The following RSPH4A variants were observed in gnomAD, a reference collection of about 807,000 sequenced individuals.
The protein encoded by RSPH4A is radial spoke head protein 4 homolog A.
Under a neutral mutation model 71.0 loss-of-function variants are expected in RSPH4A, and 47 were observed. That is an observed-to-expected ratio of 0.66 (90% confidence interval 0.52 to 0.84). The LOEUF (loss-of-function observed/expected upper bound fraction) is 0.84, where lower values mean the gene tolerates loss of function less well. RSPH4A is among the 40% of genes least tolerant of loss of function. The pLI is 0.00. For synonymous variants in RSPH4A, 282 were observed against 302.3 expected (o/e 0.93, Z 0.70); for missense variants, 793 against 855.2 (o/e 0.93, Z 0.91).
In RSPH4A at chr6:116,630,854, T is replaced by TTTG. The variant is rs1336746016; in HGVS notation, c.1916+304_1916+305insGTT. Reference sequence around the variant, plus strand: ...TGCCCAGCTAATTTTTGTATTTTTTTTTTTTTTTTTTTTTTTAGTAGAGAC... The same window carrying TTTG: ...TGCCCAGCTAATTTTTGTATTTTTTTTTGTTTTTTTTTTTTTTTTAGTAGAGAC... On this transcript the variant is annotated intron_variant, in intron 5 of 5. Transcript: ENST00000229554. Among the ~76,000 whole-genome samples the TTTG allele has an allele frequency of 3.6e-5, 5 of 139,116 alleles. 1 individual carries two copies. The highest frequency in any genetic ancestry group is 5.3e-5 in the African/African-American group (2 of 37,978). The allele number at this position is 139,116 out of a possible 152,430, so 91.3% of individuals were successfully genotyped here.
chr6:116,617,069 C>T lies in RSPH4A; in HGVS notation c.446C>T (p.Thr149Ile). The change falls in exon 1 of 6, where the codon ACC becomes ATC. Residue 149 changes from threonine to isoleucine, a missense_variant. Transcript: ENST00000229554. ...CACACAAGCCAGTCAGAAGGAAACA[C>T]CTTTCAACAGTCTCAGCAACCCAAA... ...PHHTSQSEGNTFQQSQQPKPH... is the reference protein window; with the variant it reads ...PHHTSQSEGNIFQQSQQPKPH... 6.2e-7 allele frequency: 1 copy of T among 1,614,160 alleles called. No individual in the cohort carries two copies. The highest frequency in any genetic ancestry group is 8.5e-7 in the Non-Finnish European group (1 of 1,180,004).
At chr6:116,628,620 A>G (rs1775740839) in intron 3 of RSPH4A, among the ~76,000 whole-genome samples, 1 of 152,150 alleles carries the variant, frequency 6.6e-6, no homozygotes, top group Admixed American at 6.5e-5. Flanking sequence ...AATAAAACAC[A>G]TTCTTCTATG....
In RSPH4A at chr6:116,616,984, G is replaced by A. The variant is rs1206794307; in HGVS notation, c.361G>A (p.Gly121Arg). 1.9e-6 allele frequency: 3 copies of A among 1,614,078 alleles called. No homozygotes were observed. The highest frequency in any genetic ancestry group is 2.5e-6 in the Non-Finnish European group (3 of 1,180,026). Residue 121 changes from glycine (G) to arginine (R), a missense_variant, in exon 1 of 6, where the codon GGG (glycine) becomes AGG (arginine). Transcript: ENST00000229554. ...DRTTSVIPEA[G>R]TPYPDPLEQS... ...GACCACGAGTGTGATTCCTGAAGCT[G>A]GGACACCTTATCCTGATCCTTTGGA... is the stretch of plus-strand genomic sequence containing the variant.
At chr6:116,623,366 G>A (rs573231071) in intron 2 of RSPH4A, among the ~76,000 whole-genome samples, 8 of 152,244 alleles carry the variant, frequency 5.3e-5, no homozygotes, top group East Asian at 3.9e-4. Context: ...GATTACAGGC[G>A]TGAGCTACTG....
rs369823912 is a variant in RSPH4A, at chr6:116,629,540, A to G, written c.1663-27A>G. ...GAAATTTTAAGGTCCCCATTAGACT[A>G]CTAAATCTTGCAACATTCATTCCCA... On this transcript the variant is annotated intron_variant, in intron 3 of 5. Transcript: ENST00000229554. The G allele has an allele frequency of 3.3e-4, 526 of 1,610,396 alleles. 1 individual carries two copies. The highest frequency in any genetic ancestry group is 3.9e-4 in the Non-Finnish European group (463 of 1,177,114).
chr6:116,628,431 T>C lies in RSPH4A; in HGVS notation c.1662+62T>C. On this transcript the variant is annotated intron_variant, in intron 3 of 5. Coordinates refer to ENST00000229554, the MANE Select transcript of RSPH4A (RefSeq NM_001010892.3). ...AGGCAAATATTCATTAAATGGTCAC[T>C]ATAATGCACAAAGACATACAAAATA... 3 of 1,288,042 alleles carry C rather than the reference T, an allele frequency of 2.3e-6. No homozygotes were observed. The South Asian group carries it at 3.6e-5, about 15-fold the overall frequency. The allele number at this position is 1,288,042 out of a possible 1,614,324, so 79.8% of individuals were successfully genotyped here.
chr6:116,618,564 A>G (rs1775548493), intron 1 of RSPH4A, among the ~76,000 whole-genome samples: 1 of 152,118 alleles, frequency 6.6e-6, no homozygotes, highest in Admixed American at 6.6e-5. Context: ...CCCAGGCTGG[A>G]GTGTAGTGGT....
rs779624377 is a variant in RSPH4A, at chr6:116,628,311, T to C, written c.1604T>C (p.Ile535Thr). 1 of 1,612,302 alleles carries C rather than the reference T, an allele frequency of 6.2e-7. No individual in the cohort carries two copies. Among genetic ancestry groups the C allele is most frequent in the Non-Finnish European group, 8.5e-7 (1 of 1,179,324 alleles). Residue 535 changes from isoleucine to threonine, a missense_variant, in exon 3 of 6, where the codon ATT (isoleucine) becomes ACT (threonine). Ile to Thr is a moderately conservative substitution (Grantham distance 89, BLOSUM62 -1). Coordinates refer to ENST00000229554, the MANE Select transcript of RSPH4A (RefSeq NM_001010892.3). ...CCTGATTTTGAAGGCATCCAAGTGA[T>C]TGATCTAGTAGAATCCCTATCCAAT... ...ENPDFEGIQV[I>T]DLVESLSNWV...
rs1775736172 is a variant in RSPH4A, at chr6:116,628,318, A to G, written c.1611A>G (p.Leu537=). 1 of 1,612,870 alleles carries G rather than the reference A, an allele frequency of 6.2e-7. No individual in the cohort carries two copies. Among genetic ancestry groups the G allele is most frequent in the South Asian group, 1.1e-5 (1 of 90,958 alleles). Reference sequence around the variant, plus strand: ...TTGAAGGCATCCAAGTGATTGATCTAGTAGAATCCCTATCCAATTGGGTTC... The same window carrying G: ...TTGAAGGCATCCAAGTGATTGATCTGGTAGAATCCCTATCCAATTGGGTTC... The part of the protein sequence containing the change: ...PDFEGIQVID[L]VESLSNWVHH... The change falls in exon 3 of 6, where the codon CTA becomes CTG. Residue 537 remains leucine (L), a synonymous_variant. Coordinates refer to ENST00000229554, the MANE Select transcript of RSPH4A (RefSeq NM_001010892.3).
rs62424404 is a variant in RSPH4A at position 116,629,455 on chromosome 6, A to G, written c.1663-112A>G. On this transcript the variant is annotated intron_variant, in intron 3 of 5. Transcript: ENST00000229554. ...AAATGTATGTAGAATGAATGAATGAATAATTGATTAAATTCCCACAGAGTT... is the reference window on the plus strand; with the variant it reads ...AAATGTATGTAGAATGAATGAATGAGTAATTGATTAAATTCCCACAGAGTT... 0.044 allele frequency: 48,722 copies of G among 1,104,752 alleles called. 1,280 individuals are homozygous for G. The highest frequency in any genetic ancestry group is 0.076 in the South Asian group (5,871 of 77,108). The allele number at this position is 1,104,752 out of a possible 1,614,324, so 68.4% of individuals were successfully genotyped here.
chr6:116,627,350 C>A (rs1007045244), intron 2 of RSPH4A, among the ~76,000 whole-genome samples: 2 of 151,684 alleles, frequency 1.3e-5, no homozygotes, highest in African/African-American at 4.8e-5. Flanking sequence ...CAGGCACGCA[C>A]CACCATGTCC....
In RSPH4A at chr6:116,628,304, C is replaced by G. The variant is rs1410551023; in HGVS notation, c.1597C>G (p.Gln533Glu). 6.2e-7 allele frequency: 1 copy of G among 1,611,848 alleles called. No individual in the cohort carries two copies. Among genetic ancestry groups the G allele is most frequent in the African/African-American group, 1.3e-5 (1 of 74,868 alleles). ...GGAAAACCCTGATTTTGAAGGCATC[C>G]AAGTGATTGATCTAGTAGAATCCCT... Reference protein sequence around the residue: ...FEENPDFEGIQVIDLVESLSN... With the variant: ...FEENPDFEGIEVIDLVESLSN... Residue 533 changes from glutamine (Q) to glutamate (E), a missense_variant, in exon 3 of 6, where the codon CAA (glutamine) becomes GAA (glutamate). Physicochemically the swap from Gln to Glu is conservative, Grantham distance 29 (BLOSUM62 2). Coordinates refer to ENST00000229554, the MANE Select transcript of RSPH4A (RefSeq NM_001010892.3).
At chr6:116,630,689 T>TTC in intron 5 of RSPH4A, 137 bp downstream of exon 5, 1 of 533,968 alleles carries the variant, frequency 1.9e-6, no homozygotes, top group South Asian at 2.0e-5. Context: ...TTTTTTTTTT[T>TTC]TGAGACAGAG....
chr6:116,616,787 C>A lies in RSPH4A; in HGVS notation c.164C>A (p.Ser55Tyr). Reference protein sequence around the residue: ...AKQGPETGRQSRSSRPWSPQS... With the variant: ...AKQGPETGRQYRSSRPWSPQS... ...CAGGGGCCAGAAACTGGACGCCAGT[C>A]CCGAAGCAGCCGTCCTTGGAGCCCG... is the stretch of plus-strand genomic sequence containing the variant. The change falls in exon 1 of 6, where the codon TCC (serine) becomes TAC (tyrosine). Residue 55 changes from serine (S) to tyrosine (Y), a missense_variant. Ser to Tyr is a moderately radical substitution (Grantham distance 144). Transcript: ENST00000229554. 6.2e-7 allele frequency: 1 copy of A among 1,614,182 alleles called. No homozygotes were observed. The highest frequency in any genetic ancestry group is 8.5e-7 in the Non-Finnish European group (1 of 1,180,022).
chr6:116,628,102 A>C lies in RSPH4A; in HGVS notation c.1395A>C (p.Arg465=), dbSNP rs530672818. The change falls in exon 3 of 6, where the codon CGA becomes CGC. Residue 465 remains arginine (R), a synonymous_variant. Coordinates refer to ENST00000229554, the MANE Select transcript of RSPH4A (RefSeq NM_001010892.3). ...ARKIKKFFTG[R]LDAPIISYPP... ...AAATCAAGAAATTTTTCACTGGGCGATTGGATGCTCCCATCATAAGCTACC... is the reference window on the plus strand; with the variant it reads ...AAATCAAGAAATTTTTCACTGGGCGCTTGGATGCTCCCATCATAAGCTACC... 36 of 1,614,190 alleles carry C rather than the reference A, an allele frequency of 2.2e-5. No homozygotes were observed. In the East Asian group the frequency reaches 7.6e-4, roughly 34 times the overall value.
chr6:116,622,282 G>A (rs1313760923), intron 1 of RSPH4A, among the ~76,000 whole-genome samples: 1 of 152,086 alleles, frequency 6.6e-6, no homozygotes, highest in African/African-American at 2.4e-5. Context: ...GGTGAGCGGA[G>A]GGGAAGGGGA....
At chr6:116,621,630 A>G (rs1463907969) in intron 1 of RSPH4A, among the ~76,000 whole-genome samples, 1 of 152,174 alleles carries the variant, frequency 6.6e-6, no homozygotes, top group African/African-American at 2.4e-5. Context: ...GAATGACTTA[A>G]GTGCTAAGTC....
intron 3 of RSPH4A, 33 bp from the exon 4 acceptor site, chr6:116,629,534 T>C: frequency 1.2e-6 from 2 of 1,609,180 alleles, no homozygotes; most frequent in Non-Finnish European, 1.7e-6. Flanking sequence ...AGGTCCCCAT[T>C]AGACTACTAA....
At chr6:116,631,179 G>GT (rs1775799176) in intron 5 of RSPH4A, among the ~76,000 whole-genome samples, 1 of 152,002 alleles carries the variant, frequency 6.6e-6, no homozygotes. Flanking sequence ...GATTATTTGG[G>GT]TAATGACTTA....
Sources: gnomAD v4.1 joint callset for allele counts (sites outside exome capture counted in the v4.1 genomes callset) on GRCh38, gnomAD v4.1.1 for gene constraint, MANE v1.5 for transcripts, NCBI Gene and HGNC (gene_info 2026-07-23, HGNC 2026-07-21) for gene names.